CTNNA3: variants seen among roughly 807,000 people sequenced by gnomAD.
CTNNA3 encodes the protein catenin alpha 3, also known as catenin alpha-3.
Under a neutral mutation model 95.7 loss-of-function variants are expected in CTNNA3, and 76 were observed. The observed-to-expected ratio is 0.79, with a 90% CI of 0.66 to 0.96. The LOEUF (loss-of-function observed/expected upper bound fraction) is 0.96. CTNNA3 is among the 40% of genes least tolerant of loss of function. CTNNA3 has a pLI of 0.00. For synonymous variants in CTNNA3, 431 were observed against 374.4 expected (o/e 1.15, Z -1.74); for missense variants, 1,191 against 1,089.8 (o/e 1.09, Z -1.31).
rs370933125 is a variant in CTNNA3 at position 65,969,034 on chromosome 10, T to C, written c.2266-2288A>G. ...ATTGCCTGAGGCAAGAAAGAGCTTC[T>C]GCTAGTAAACAAGGATGAAGTATAC... On this transcript the variant is annotated intron_variant, in intron 16 of 17. Transcript: ENST00000433211. Among the ~76,000 whole-genome samples the C allele has an allele frequency of 7.2e-5, 11 of 152,292 alleles. No homozygotes were observed. In the South Asian group the frequency reaches 2.3e-3, roughly 32 times the overall value.
rs80011983 is a variant in CTNNA3 at position 67,440,754 on chromosome 10, T to A, written c.579+81088A>T. On this transcript the variant is annotated intron_variant, in intron 5 of 17. Coordinates refer to ENST00000433211, the MANE Select transcript of CTNNA3 (RefSeq NM_013266.4). ...CCACCAAGACTGCACCTCTATAAGT[T>A]TGCAGGAACCACAGCATTATTGGGC... Among the ~76,000 whole-genome samples, 667 of 152,140 alleles carry A rather than the reference T, an allele frequency of 4.4e-3. 7 individuals are homozygous for A. The highest frequency in any genetic ancestry group is 0.015 in the African/African-American group (625 of 41,496).
intron 9 of CTNNA3, among the ~76,000 whole-genome samples, chr10:66,734,788 G>A (rs749650204): frequency 2.4e-4 from 37 of 151,302 alleles, no homozygotes; most frequent in Non-Finnish European, 4.0e-4. Flanking sequence ...TCTTGAACTC[G>A]AGAGGTGGAG....
At chr10:67,508,926 G>C (rs1020317710) in intron 5 of CTNNA3, among the ~76,000 whole-genome samples, 2 of 151,804 alleles carry the variant, frequency 1.3e-5, no homozygotes, top group African/African-American at 4.8e-5. Flanking sequence ...CCCCAGGCTG[G>C]AGTGCAATGG....
chr10:66,328,911 C>CATATATATATATATATATATAT (rs1554935009), intron 12 of CTNNA3, among the ~76,000 whole-genome samples: 3,383 of 85,286 alleles, frequency 0.04, 198 homozygotes, highest in Non-Finnish European at 0.061. Context: ...CACATATATA[C>CATATATATATATATATATATAT]ATATATATAT....
rs147387178 is a variant in CTNNA3, at chr10:66,405,968, C to T, written c.1532-26616G>A. ...CAGCATCCTTTCAGACTGCTTTGTC[C>T]GCTTATATATACATTTTAACTCTTT... On this transcript the variant is annotated intron_variant, in intron 11 of 17. Transcript: ENST00000433211. Among the ~76,000 whole-genome samples the T allele has an allele frequency of 8.5e-3, 1,293 of 152,094 alleles. 12 individuals carry two copies. Among genetic ancestry groups the T allele is most frequent in the Non-Finnish European group, 0.012 (812 of 67,994 alleles).
intron 11 of CTNNA3, among the ~76,000 whole-genome samples, chr10:66,487,181 A>ATTTTTTTTTTTTTTTTTTTTTT (rs60547696): frequency 2.2e-5 from 1 of 45,946 alleles, no homozygotes; most frequent in African/African-American, 9.0e-5. Flanking sequence ...AAAAGGGCAG[A>ATTTTTTTTTTTTTTTTTTTTTT]TTTTTTTTTT....
At chr10:67,544,649 G>C (rs541346583) in intron 3 of CTNNA3, among the ~76,000 whole-genome samples, 1 of 152,180 alleles carries the variant, frequency 6.6e-6, no homozygotes, top group Non-Finnish European at 1.5e-5. Context: ...GCTAGGGAAA[G>C]AACCACCCAA....
chr10:66,075,813 T>G (rs1312279750), intron 14 of CTNNA3, among the ~76,000 whole-genome samples: 2 of 151,708 alleles, frequency 1.3e-5, no homozygotes, highest in Non-Finnish European at 3.0e-5. Context: ...CCATGTGTCT[T>G]CATTAGTAGC....
intron 11 of CTNNA3, among the ~76,000 whole-genome samples, chr10:66,397,703 T>A (rs1360498675): frequency 1.3e-5 from 2 of 151,762 alleles, no homozygotes; most frequent in African/African-American, 4.8e-5. Context: ...CCAAGGAACA[T>A]GATAAATGCC....
At chr10:67,030,236 TC>T in intron 7 of CTNNA3, among the ~76,000 whole-genome samples, 1 of 152,212 alleles carries the variant, frequency 6.6e-6, no homozygotes, top group African/African-American at 2.4e-5. Context: ...TTTAAAGCAT[TC>T]TGCTCTACAT....
chr10:66,853,523 G>C (rs1843572393), intron 7 of CTNNA3, among the ~76,000 whole-genome samples: 2 of 151,996 alleles, frequency 1.3e-5, no homozygotes, highest in Admixed American at 1.3e-4. Context: ...ACAATATTTA[G>C]TGTTATAATT....
At chr10:66,733,539 T>C (rs1022829558) in intron 9 of CTNNA3, among the ~76,000 whole-genome samples, 4 of 151,894 alleles carry the variant, frequency 2.6e-5, no homozygotes, top group Non-Finnish European at 4.4e-5. Flanking sequence ...CAAATATATA[T>C]GTATATATTT....
chr10:66,851,294 C>T (rs1357828418), intron 7 of CTNNA3, among the ~76,000 whole-genome samples: 6 of 152,100 alleles, frequency 3.9e-5, no homozygotes, highest in African/African-American at 1.4e-4. Context: ...ACCTTGAAGC[C>T]TTCCTTCTGC....
chr10:66,202,333 GT>G (rs1452480202), intron 13 of CTNNA3, among the ~76,000 whole-genome samples: 1 of 152,176 alleles, frequency 6.6e-6, no homozygotes, highest in East Asian at 1.9e-4. Context: ...CAATCACCAA[GT>G]TTTGGCTAAA....
chr10:66,144,457 T>C (rs1054594828), intron 13 of CTNNA3, among the ~76,000 whole-genome samples: 1 of 152,078 alleles, frequency 6.6e-6, no homozygotes, highest in Non-Finnish European at 1.5e-5. Context: ...AAGAAAAATA[T>C]ATGGTGTTGG....
At chr10:67,077,555 A>T (rs920170333) in intron 7 of CTNNA3, among the ~76,000 whole-genome samples, 3 of 151,960 alleles carry the variant, frequency 2.0e-5, no homozygotes, top group Non-Finnish European at 1.5e-5. Flanking sequence ...GCTTCCTCCC[A>T]CTTTCTACTT....
At chr10:66,348,231 C>A (rs939727644) in intron 12 of CTNNA3, among the ~76,000 whole-genome samples, 1 of 152,054 alleles carries the variant, frequency 6.6e-6, no homozygotes, top group African/African-American at 2.4e-5. Context: ...ATGATGTTAG[C>A]ATTAATTAGT....
At chr10:66,695,754 T>C (rs750679316) in intron 9 of CTNNA3, among the ~76,000 whole-genome samples, 1 of 152,146 alleles carries the variant, frequency 6.6e-6, no homozygotes, top group Non-Finnish European at 1.5e-5. Context: ...CCTTAGAAGC[T>C]AGATTCCTGC....
chr10:66,834,652 C>T (rs1251671548), intron 7 of CTNNA3, among the ~76,000 whole-genome samples: 1 of 152,128 alleles, frequency 6.6e-6, no homozygotes, highest in Non-Finnish European at 1.5e-5. Context: ...CAGCATGAAC[C>T]ACTCATATTC....
Sources: allele counts gnomAD v4.1 joint callset (sites outside exome capture counted in the v4.1 genomes callset), GRCh38; gene constraint gnomAD v4.1.1; transcripts MANE v1.5; gene names NCBI Gene and HGNC (gene_info 2026-07-23, HGNC 2026-07-21).